ZMYND8: variants seen among roughly 807,000 people sequenced by gnomAD.
The protein encoded by ZMYND8 is zinc finger MYND-type containing 8.
In ZMYND8, 37 loss-of-function variants were observed where a neutral mutation model predicts 140.8. That is an observed-to-expected ratio of 0.26 (90% CI 0.20 to 0.35). The LOEUF (loss-of-function observed/expected upper bound fraction) is 0.35. Ranked by LOEUF, ZMYND8 falls within the 10% of genes least tolerant of loss-of-function variation. The pLI is 1.00. For missense variants in ZMYND8, 1,068 were observed against 1,570.0 expected (o/e 0.68, Z 5.40); for synonymous variants, 592 against 597.1 (o/e 0.99, Z 0.12).
chr20:47,340,299 T>A (rs774359026), intron 2 of ZMYND8, among the ~76,000 whole-genome samples: 6 of 150,012 alleles, frequency 4.0e-5, no homozygotes, highest in Non-Finnish European at 5.9e-5. Flanking sequence ...TTGGGGTAAG[T>A]AAGAATGGTG....
At chr20:47,261,585 TCATCATC>T (rs752037857) in intron 12 of ZMYND8, among the ~76,000 whole-genome samples, 35,436 of 144,784 alleles carry the variant, frequency 0.24, 4,522 homozygotes, top group Non-Finnish European at 0.3. Context: ...ATCATCATCA[TCATCATC>T]ATCCAGGGAA....
chr20:47,300,336 T>C (rs914608530), intron 3 of ZMYND8, among the ~76,000 whole-genome samples: 23 of 152,192 alleles, frequency 1.5e-4, no homozygotes, highest in African/African-American at 5.5e-4. Flanking sequence ...CACAACCATA[T>C]TCCCTACCCT....
rs376554796 is a variant in ZMYND8 at position 47,246,315 on chromosome 20, T to G, written c.1977A>C (p.Thr659=). The G allele has an allele frequency of 5.2e-5, 84 of 1,614,028 alleles. No homozygotes were observed. Among genetic ancestry groups the G allele is most frequent in the Non-Finnish European group, 6.8e-5 (80 of 1,180,034 alleles). ...GCTCCTCTTTAATCTCCACTGGGTT[T>G]GTAGGCTTGGGCTTTTTTTTAACAG... ...PSAVKKKPKP[T]NPVEIKEELK... is the part of the protein sequence containing the mutation. Residue 659 remains threonine (T), a synonymous_variant, in exon 14 of 23, where the codon ACA becomes ACC. Transcript: ENST00000471951.
chr20:47,240,529 A>G (rs1249972446), intron 14 of ZMYND8, among the ~76,000 whole-genome samples: 1 of 151,994 alleles, frequency 6.6e-6, no homozygotes, highest in Non-Finnish European at 1.5e-5. Flanking sequence ...AATAATAATA[A>G]TAAATGAAAA....
At chr20:47,250,520 TA>T (rs1451845683) in intron 12 of ZMYND8, among the ~76,000 whole-genome samples, 1 of 152,158 alleles carries the variant, frequency 6.6e-6, no homozygotes, top group East Asian at 1.9e-4. Context: ...TCCCAACAGC[TA>T]TCAGGTTGCT....
chr20:47,251,497 G>C (rs1044410798), intron 12 of ZMYND8, among the ~76,000 whole-genome samples: 1 of 151,890 alleles, frequency 6.6e-6, no homozygotes, highest in African/African-American at 2.4e-5. Context: ...CGAAGTAGGA[G>C]GACTGCTTGA....
At chr20:47,322,103 C>T (rs1320137975) in intron 2 of ZMYND8, among the ~76,000 whole-genome samples, 2 of 152,000 alleles carry the variant, frequency 1.3e-5, no homozygotes, top group Non-Finnish European at 2.9e-5. Flanking sequence ...TCAAGCAATC[C>T]CTCTGCCTCA....
chr20:47,294,069 G>A (rs765209546), intron 5 of ZMYND8, among the ~76,000 whole-genome samples: 6 of 151,832 alleles, frequency 4.0e-5, no homozygotes, highest in Admixed American at 3.9e-4. Context: ...CTTTTCTGGC[G>A]AGCCACAGTG....
chr20:47,288,503 T>C (rs936726369), intron 7 of ZMYND8, among the ~76,000 whole-genome samples: 2 of 151,778 alleles, frequency 1.3e-5, no homozygotes, highest in African/African-American at 2.4e-5. Flanking sequence ...AAGCGATTCT[T>C]GCGCCTCAGC....
intron 1 of ZMYND8, chr20:47,355,486 A>G (rs754141387): frequency 4.5e-4 from 441 of 985,444 alleles, no homozygotes; most frequent in Non-Finnish European, 5.2e-4. Context: ...ATTTTTCCAC[A>G]GTTAGGAAGA....
chr20:47,238,658 C>T lies in ZMYND8; in HGVS notation c.2665+100G>A. The T allele has an allele frequency of 5.2e-6, 8 of 1,525,838 alleles. No individual in the cohort carries two copies. The South Asian group carries it at 7.3e-5, about 14-fold the overall frequency. The allele number at this position is 1,525,838 out of a possible 1,614,324, so 94.5% of individuals were successfully genotyped here. ...CAAGATACAATGGCCCGGAAACAAA[C>T]GAGAACTAAAAAAAAAAAATAAAAG... On this transcript the variant is annotated intron_variant, in intron 15 of 22. Transcript: ENST00000471951.
At chr20:47,340,346 G>GT (rs1479126227) in intron 2 of ZMYND8, among the ~76,000 whole-genome samples, 3 of 152,148 alleles carry the variant, frequency 2.0e-5, no homozygotes, top group Non-Finnish European at 2.9e-5. Context: ...TGAAACCATG[G>GT]TGCGCACTTA....
intron 2 of ZMYND8, among the ~76,000 whole-genome samples, chr20:47,315,937 A>AGGAAAACAGCTTGGCATGGAGC (rs2079357074): frequency 6.6e-6 from 1 of 152,228 alleles, no homozygotes; most frequent in Non-Finnish European, 1.5e-5. Context: ...GCAGTGACTC[A>AGGAAAACAGCTTGGCATGGAGC]GGAAAACAGC....
chr20:47,266,453 G>A (rs1003680534), intron 11 of ZMYND8, among the ~76,000 whole-genome samples: 2 of 152,024 alleles, frequency 1.3e-5, no homozygotes, highest in African/African-American at 4.8e-5. Flanking sequence ...GCTAATTTTT[G>A]TATTTTTAGT....
chr20:47,305,166 C>A (rs1354303637), intron 3 of ZMYND8, among the ~76,000 whole-genome samples: 1 of 151,910 alleles, frequency 6.6e-6, no homozygotes, highest in African/African-American at 2.4e-5. Flanking sequence ...ATCACTTGAG[C>A]CCAGGAGGTC....
intron 2 of ZMYND8, among the ~76,000 whole-genome samples, chr20:47,325,374 C>T (rs919210997): frequency 3.3e-5 from 5 of 152,072 alleles, no homozygotes; most frequent in African/African-American, 9.7e-5. Context: ...CATATCAGAC[C>T]GACTAACTGA....
At chr20:47,340,646 T>C (rs1321166257) in intron 2 of ZMYND8, among the ~76,000 whole-genome samples, 1 of 151,442 alleles carries the variant, frequency 6.6e-6, no homozygotes, top group Non-Finnish European at 1.5e-5. Flanking sequence ...ATTAAAAAAT[T>C]AGCTGGGTGT....
intron 21 of ZMYND8, among the ~76,000 whole-genome samples, chr20:47,213,448 C>A (rs1175327158): frequency 6.6e-6 from 1 of 152,176 alleles, no homozygotes; most frequent in Admixed American, 6.5e-5. Context: ...TGTGACTCTG[C>A]CATGAATGAT....
At chr20:47,225,017 C>T (rs899851140) in intron 18 of ZMYND8, among the ~76,000 whole-genome samples, 2 of 152,156 alleles carry the variant, frequency 1.3e-5, no homozygotes, top group Admixed American at 1.3e-4. Flanking sequence ...AATAATCCTA[C>T]GGGGTAAGTA....
Sources: allele counts gnomAD v4.1 joint callset (sites outside exome capture counted in the v4.1 genomes callset), GRCh38; gene constraint gnomAD v4.1.1; transcripts MANE v1.5; gene names NCBI Gene and HGNC (gene_info 2026-07-23, HGNC 2026-07-21).